DCDC2: variants seen among roughly 807,000 people sequenced by gnomAD.
The protein encoded by DCDC2 is doublecortin domain-containing protein 2.
A neutral mutation model predicts 50.2 loss-of-function variants in DCDC2; 40 were observed. That is an observed-to-expected ratio of 0.80 (90% CI 0.62 to 1.04). The LOEUF (loss-of-function observed/expected upper bound fraction) is 1.04. DCDC2 is among the 50% of genes least tolerant of loss of function. The pLI, the probability that DCDC2 is intolerant of heterozygous loss-of-function variation, is 0.00. For synonymous variants in DCDC2, 234 were observed against 210.6 expected (o/e 1.11, Z -0.96); for missense variants, 570 against 581.9 (o/e 0.98, Z 0.21).
chr6:24,305,837 T>C (rs1561767993), intron 2 of DCDC2, among the ~76,000 whole-genome samples: 1 of 151,954 alleles, frequency 6.6e-6, no homozygotes, highest in Non-Finnish European at 1.5e-5. Context: ...AGACCAGCCA[T>C]GGCCAACATG....
intron 7 of DCDC2, among the ~76,000 whole-genome samples, chr6:24,227,406 C>T (rs1025006357): frequency 6.6e-6 from 1 of 152,122 alleles, no homozygotes; most frequent in Non-Finnish European, 1.5e-5. Context: ...GAAATAAGAA[C>T]AAACCACTGA....
chr6:24,320,614 G>A (rs1373535426), intron 2 of DCDC2, among the ~76,000 whole-genome samples: 1 of 152,146 alleles, frequency 6.6e-6, no homozygotes, highest in South Asian at 2.1e-4. Context: ...TTACAGGCAT[G>A]AGCCACCACA....
At chr6:24,318,159 A>T (rs1308689180) in intron 2 of DCDC2, among the ~76,000 whole-genome samples, 1 of 151,624 alleles carries the variant, frequency 6.6e-6, no homozygotes, top group African/African-American at 2.4e-5. Context: ...TCTACTCTAA[A>T]TATATACCTC....
At chr6:24,249,142 C>T (rs892421556) in intron 7 of DCDC2, among the ~76,000 whole-genome samples, 2 of 116,494 alleles carry the variant, frequency 1.7e-5, no homozygotes, top group African/African-American at 6.6e-5. Flanking sequence ...TCACTTAATA[C>T]CTGATGACTC....
intron 8 of DCDC2, among the ~76,000 whole-genome samples, chr6:24,203,647 T>C (rs1015343531): frequency 6.6e-6 from 1 of 152,146 alleles, no homozygotes; most frequent in East Asian, 1.9e-4. Flanking sequence ...TGGGATCTAA[T>C]TAAACTGAAG....
In DCDC2 at chr6:24,313,386, A is replaced by T. The variant is rs149288191; in HGVS notation, c.349-11342T>A. On this transcript the variant is annotated intron_variant, in intron 2 of 9. Coordinates refer to ENST00000378454, the MANE Select transcript of DCDC2 (RefSeq NM_016356.5). ...CACTAAGCAAGCACTGGGGAAAAAAAAAATAAAAGTATTTGGGGATTGTTT... is the reference window on the plus strand; with the variant it reads ...CACTAAGCAAGCACTGGGGAAAAAATAAATAAAAGTATTTGGGGATTGTTT... Among the ~76,000 whole-genome samples the T allele has an allele frequency of 6.4e-3, 979 of 152,338 alleles. 5 individuals carry two copies. Among genetic ancestry groups the T allele is most frequent in the Admixed American group, 9.5e-3 (146 of 15,298 alleles).
chr6:24,295,732 T>A (rs1028950534), intron 4 of DCDC2, among the ~76,000 whole-genome samples: 12 of 151,712 alleles, frequency 7.9e-5, no homozygotes, highest in African/African-American at 2.9e-4. Context: ...GCACAAAAAA[T>A]AAAATAAAAT....
chr6:24,272,544 G>T (rs1763260235), intron 7 of DCDC2, among the ~76,000 whole-genome samples: 1 of 152,250 alleles, frequency 6.6e-6, no homozygotes, highest in South Asian at 2.1e-4. Context: ...CCATTAAAAA[G>T]TGGGCAAAGG....
chr6:24,205,070 A>C lies in DCDC2; in HGVS notation c.955T>G (p.Ser319Ala), dbSNP rs1164672241. The change falls in exon 8 of 10, where the codon TCT (serine) becomes GCT (alanine). Residue 319 changes from serine to alanine, a missense_variant. Physicochemically the swap from Ser to Ala is moderately conservative, Grantham distance 99 (BLOSUM62 1). Coordinates refer to ENST00000378454, the MANE Select transcript of DCDC2 (RefSeq NM_016356.5). ...EGIFKAGAER[S>A]ETRGAAEVQE... ...ACTTCTGCTGCCCCCCGTGTTTCAG[A>C]CCTCTCTGCTCCAGCTTTGAAAATG... The C allele has an allele frequency of 6.2e-7, 1 of 1,614,024 alleles. No homozygotes were observed. The highest frequency in any genetic ancestry group is 1.7e-5 in the Admixed American group (1 of 60,008).
intron 6 of DCDC2, among the ~76,000 whole-genome samples, chr6:24,283,111 T>C (rs1455857264): frequency 4.6e-5 from 7 of 152,182 alleles, no homozygotes; most frequent in Non-Finnish European, 1.0e-4. Context: ...ACTTTCCTAA[T>C]TTTTTCGTCT....
At chr6:24,355,310 TAAACA>T (rs758083075) in intron 1 of DCDC2, among the ~76,000 whole-genome samples, 5 of 151,918 alleles carry the variant, frequency 3.3e-5, no homozygotes, top group Non-Finnish European at 5.9e-5. Context: ...TAGGATCAAA[TAAACA>T]AAAGAACATG....
At chr6:24,247,995 G>C (rs538996035) in intron 7 of DCDC2, among the ~76,000 whole-genome samples, 1 of 152,164 alleles carries the variant, frequency 6.6e-6, no homozygotes, top group Non-Finnish European at 1.5e-5. Context: ...AGAATCACTT[G>C]AACACGGGAG....
At chr6:24,227,110 G>GTT (rs1341167198) in intron 7 of DCDC2, among the ~76,000 whole-genome samples, 1 of 152,156 alleles carries the variant, frequency 6.6e-6, no homozygotes, top group Non-Finnish European at 1.5e-5. Flanking sequence ...CAGCAGACGG[G>GTT]AGTATGACAA....
rs1283032961 is a variant in DCDC2 at position 24,357,886 on chromosome 6, G to A, written c.-136C>T. 1.9e-6 allele frequency: 3 copies of A among 1,558,434 alleles called. No homozygotes were observed. Among genetic ancestry groups the A allele is most frequent in the Admixed American group, 3.7e-5 (2 of 53,374 alleles). ...GAAACTGACGAATCCACAGGTGAAA[G>A]AGAAGTAACGGCCGTGCGCCTAGGC... On this transcript the variant is annotated 5_prime_UTR_variant, in exon 1 of 10. Transcript: ENST00000378454.
chr6:24,279,909 GTGTT>G (rs1357295937), intron 6 of DCDC2, among the ~76,000 whole-genome samples: 1 of 152,204 alleles, frequency 6.6e-6, no homozygotes, highest in African/African-American at 2.4e-5. Flanking sequence ...GTGATGTATG[GTGTT>G]TGTTTAATAA....
intron 7 of DCDC2, among the ~76,000 whole-genome samples, chr6:24,271,207 C>CAAAAAAA (rs543819229): frequency 0.054 from 2,121 of 39,336 alleles, 483 homozygotes; most frequent in African/African-American, 0.15. Flanking sequence ...GACACTCCCT[C>CAAAAAAA]AAAAAAAAAA....
At chr6:24,306,527 TAG>T (rs1561768209) in intron 2 of DCDC2, among the ~76,000 whole-genome samples, 1 of 141,694 alleles carries the variant, frequency 7.1e-6, no homozygotes, top group South Asian at 2.2e-4. Flanking sequence ...GATAGATAGA[TAG>T]ATAGATAGAT....
intron 7 of DCDC2, among the ~76,000 whole-genome samples, chr6:24,242,567 G>A (rs191249205): frequency 6.6e-6 from 1 of 152,212 alleles, no homozygotes; most frequent in African/African-American, 2.4e-5. Context: ...CCACAGCACA[G>A]ATGCCCATAT....
At chr6:24,200,762 TGC>T (rs772060768) in intron 8 of DCDC2, among the ~76,000 whole-genome samples, 2 of 151,726 alleles carry the variant, frequency 1.3e-5, no homozygotes, top group Non-Finnish European at 1.5e-5. Flanking sequence ...TCATCTCATG[TGC>T]AAAGACACAC....
Sources: allele counts gnomAD v4.1 joint callset (sites outside exome capture counted in the v4.1 genomes callset), GRCh38; gene constraint gnomAD v4.1.1; transcripts MANE v1.5; gene names NCBI Gene and HGNC (gene_info 2026-07-23, HGNC 2026-07-21).